The following P3H2 variants were observed in gnomAD, a reference collection of about 807,000 sequenced individuals.
The protein encoded by P3H2 is leprecan-like 1.
A neutral mutation model predicts 87.0 loss-of-function variants in P3H2; 80 were observed. That is an observed-to-expected ratio of 0.92 (90% CI 0.77 to 1.11). The LOEUF (loss-of-function observed/expected upper bound fraction) is 1.11. Among genes scored for constraint, P3H2 ranks in the 50% least tolerant of loss-of-function variants. P3H2 has a pLI of 0.00. For synonymous variants in P3H2, 367 were observed against 359.3 expected (o/e 1.02, Z -0.24); for missense variants, 1,001 against 923.9 (o/e 1.08, Z -1.08).
At chr3:189,965,512 G>A (rs1722948327) in intron 13 of P3H2, among the ~76,000 whole-genome samples, 1 of 152,188 alleles carries the variant, frequency 6.6e-6, no homozygotes, top group Non-Finnish European at 1.5e-5. Flanking sequence ...TGTCTTTGCT[G>A]GAATTGCTTT....
At chr3:190,057,616 A>G (rs11708428) in intron 1 of P3H2, among the ~76,000 whole-genome samples, 44,264 of 151,904 alleles carry the variant, frequency 0.29, 6,625 homozygotes, top group Middle Eastern at 0.36. Context: ...GGACGCTGAG[A>G]GGAAAGAAAA....
At chr3:190,050,400 A>G (rs919728420) in intron 1 of P3H2, among the ~76,000 whole-genome samples, 1 of 152,218 alleles carries the variant, frequency 6.6e-6, no homozygotes, top group African/African-American at 2.4e-5. Context: ...AATGCATCAA[A>G]TTAATCCTCT....
intron 1 of P3H2, among the ~76,000 whole-genome samples, chr3:190,105,863 A>C (rs1322141409): frequency 5.3e-5 from 8 of 152,200 alleles, no homozygotes; most frequent in Non-Finnish European, 2.9e-5. Context: ...TTTATGACAG[A>C]GCTGGGTGTA....
chr3:189,993,968 G>T (rs1723959240), intron 3 of P3H2, 126 bp downstream of exon 3: 2 of 768,780 alleles, frequency 2.6e-6, no homozygotes, highest in Non-Finnish European at 4.1e-6. Context: ...GATAGGCTGG[G>T]ATAGACACAT....
chr3:190,006,939 G>A (rs138619981), intron 1 of P3H2, among the ~76,000 whole-genome samples: 6 of 152,252 alleles, frequency 3.9e-5, no homozygotes, highest in South Asian at 2.1e-4. Flanking sequence ...TTTTATTCCC[G>A]GAAAAGGGGA....
intron 3 of P3H2, among the ~76,000 whole-genome samples, chr3:189,990,774 C>T (rs913132614): frequency 4.6e-5 from 7 of 152,094 alleles, no homozygotes; most frequent in African/African-American, 1.7e-4. Context: ...TAGGTATATC[C>T]CTTGCCTCCT....
chr3:190,106,913 C>T (rs1711859608), intron 1 of P3H2, among the ~76,000 whole-genome samples: 1 of 152,102 alleles, frequency 6.6e-6, no homozygotes. Context: ...TTACATAAAG[C>T]TTTTAGCATA....
intron 8 of P3H2, among the ~76,000 whole-genome samples, chr3:189,981,406 T>G (rs1226465275): frequency 6.6e-6 from 1 of 152,218 alleles, no homozygotes; most frequent in Non-Finnish European, 1.5e-5. Context: ...GGAGAATTAC[T>G]GGTGCATGTG....
At chr3:190,121,629 C>A (rs1483384329), upstream of P3H2, 1 of 152,180 alleles carries the variant, frequency 6.6e-6, no homozygotes, top group Non-Finnish European at 1.5e-5. Flanking sequence ...CTTTCCTGTG[C>A]AGCCCGTGGT....
intron 11 of P3H2, 72 bp from the exon 12 acceptor site, chr3:189,972,079 C>T (rs947743298): frequency 2.5e-5 from 23 of 904,450 alleles, no homozygotes; most frequent in Admixed American, 2.3e-4. Flanking sequence ...CTGACAATCT[C>T]TCTTCTCCCA....
intron 1 of P3H2, among the ~76,000 whole-genome samples, chr3:190,009,266 AAC>A (rs1724491414): frequency 6.6e-6 from 1 of 152,182 alleles, no homozygotes; most frequent in Admixed American, 6.5e-5. Flanking sequence ...TTTTGGGGAG[AAC>A]ATGAAACTTG....
intron 1 of P3H2, among the ~76,000 whole-genome samples, chr3:189,998,873 G>A (rs981407914): frequency 5.3e-5 from 8 of 152,084 alleles, no homozygotes; most frequent in African/African-American, 1.4e-4. Context: ...AGATCATCAC[G>A]CAAGATTCTC....
intron 1 of P3H2, among the ~76,000 whole-genome samples, chr3:190,097,782 A>T (rs1727630950): frequency 6.6e-6 from 1 of 152,166 alleles, no homozygotes; most frequent in Non-Finnish European, 1.5e-5. Context: ...TTTAAGCAGC[A>T]GCTTTCATCC....
At chr3:190,066,158 T>TATATATATATATATATACACAC (rs1256956930) in intron 1 of P3H2, among the ~76,000 whole-genome samples, 60 of 134,602 alleles carry the variant, frequency 4.5e-4, no homozygotes, top group Non-Finnish European at 5.1e-4. Context: ...TATATATATA[T>TATATATATATATATATACACAC]ACACACACAC....
chr3:189,989,097 C>T (rs1255461406), intron 3 of P3H2, 59 bp from the exon 4 acceptor site: 12 of 1,602,882 alleles, frequency 7.5e-6, no homozygotes, highest in South Asian at 5.5e-5. Context: ...CAAACGTCAA[C>T]GTCACAGCCA....
chr3:190,110,903 C>T (rs903860810), intron 1 of P3H2, among the ~76,000 whole-genome samples: 6 of 152,128 alleles, frequency 3.9e-5, no homozygotes, highest in African/African-American at 1.4e-4. Context: ...TTTCCAGGGT[C>T]CCAGTACAAT....
At position 189,995,559 on chromosome 3, in the gene P3H2, T is replaced by TG. The variant is rs536080733; in HGVS notation, c.481-118_481-117insC. On this transcript the variant is annotated intron_variant, in intron 1 of 14. Transcript: ENST00000319332. Reference sequence around the variant, plus strand: ...AAGAATGAAACTAGGAGCCTTGGTTTTTTTTTTTTTTATCAGACAGGCAAT... The same window carrying TG: ...AAGAATGAAACTAGGAGCCTTGGTTTGTTTTTTTTTTTATCAGACAGGCAAT... 3.9e-3 allele frequency: 4,300 copies of TG among 1,094,940 alleles called. 37 individuals carry two copies. Among genetic ancestry groups the TG allele is most frequent in the South Asian group, 0.02 (1,375 of 67,482 alleles). The allele number at this position is 1,094,940 out of a possible 1,614,324, so 67.8% of individuals were successfully genotyped here.
In P3H2 at chr3:189,957,723, AGAAAAC is replaced by A. The variant is rs1722681754; in HGVS notation, c.*183_*188del. ...AGAAGAGAGAGAGAGAGAGAGAGAG[AGAAAAC>A]AACCCAAAACAAGAAAGATAGATTG... On this transcript the variant is annotated 3_prime_UTR_variant, in exon 15 of 15. Transcript: ENST00000319332. 1.5e-5 allele frequency: 9 copies of A among 611,574 alleles called. No homozygotes were observed. The highest frequency in any genetic ancestry group is 2.3e-5 in the Non-Finnish European group (8 of 347,268). The allele number at this position is 611,574 out of a possible 1,614,324, so 37.9% of individuals were successfully genotyped here.
intron 1 of P3H2, among the ~76,000 whole-genome samples, chr3:190,048,446 G>A (rs571013688): frequency 6.3e-4 from 96 of 151,446 alleles, no homozygotes; most frequent in Non-Finnish European, 7.4e-4. Flanking sequence ...GCAGAGAGCC[G>A]AGATCACACC....
Sources: allele counts gnomAD v4.1 joint callset (sites outside exome capture counted in the v4.1 genomes callset), GRCh38; gene constraint gnomAD v4.1.1; transcripts MANE v1.5; gene names NCBI Gene and HGNC (gene_info 2026-07-23, HGNC 2026-07-21).